Variants in ATP6V1B1 observed in about 807,000 individuals in gnomAD.
ATP6V1B1 encodes V-type proton ATPase subunit B, kidney isoform.
Under a neutral mutation model 62.1 loss-of-function variants are expected in ATP6V1B1, and 41 were observed. That is an observed-to-expected ratio of 0.66 (90% CI 0.51 to 0.86). The LOEUF (loss-of-function observed/expected upper bound fraction) is 0.86, where lower values mean the gene tolerates loss of function less well. ATP6V1B1 is among the 40% of genes least tolerant of loss of function. The pLI, the probability that ATP6V1B1 is intolerant of heterozygous loss-of-function variation, is 0.00. For missense variants in ATP6V1B1, 651 were observed against 697.5 expected (o/e 0.93, Z 0.75); for synonymous variants, 253 against 273.4 (o/e 0.93, Z 0.74).
chr2:70,944,255 G>A lies in ATP6V1B1; in HGVS notation c.174+542G>A, dbSNP rs1558670154. 2.3e-6 allele frequency: 3 copies of A among 1,283,074 alleles called. No individual in the cohort carries two copies. The Admixed American group carries it at 7.0e-5, about 30-fold the overall frequency. The allele number at this position is 1,283,074 out of a possible 1,614,324, so 79.5% of individuals were successfully genotyped here. ...GTAAGTGAAGTGGGCCCCACCAAAG[G>A]TAAGTGGGCTGTGGGCTATTTTGTA... On this transcript the variant is annotated intron_variant, in intron 2 of 13. Coordinates refer to ENST00000234396, the MANE Select transcript of ATP6V1B1 (RefSeq NM_001692.4).
In ATP6V1B1 at chr2:70,960,032, G is replaced by C. The variant is rs781988426; in HGVS notation, c.539G>C (p.Gly180Ala). 6.2e-7 allele frequency: 1 copy of C among 1,614,212 alleles called. No homozygotes were observed. The highest frequency in any genetic ancestry group is 8.5e-7 in the Non-Finnish European group (1 of 1,180,034). The change falls in exon 6 of 14, where the codon GGC (glycine) becomes GCC (alanine). Residue 180 changes from glycine (G) to alanine (A), a missense_variant. Gly to Ala is a moderately conservative substitution (Grantham distance 60, BLOSUM62 0). Coordinates refer to ENST00000234396, the MANE Select transcript of ATP6V1B1 (RefSeq NM_001692.4). ...GACGTCATGAACAGCATTGCCCGCG[G>C]CCAGAAGATCCCCATCTTCTCAGCA... is the stretch of plus-strand genomic sequence containing the variant. ...PIDVMNSIAR[G>A]QKIPIFSAAG...
intron 1 of ATP6V1B1, chr2:70,940,444 C>A (rs1679964251): frequency 1.0e-6 from 1 of 985,128 alleles, no homozygotes; most frequent in Non-Finnish European, 1.2e-6. Context: ...TGCCAGCTCT[C>A]CCGGGGGCTT....
In ATP6V1B1 at chr2:70,959,391, C is replaced by T. The variant is rs1553419636; in HGVS notation, c.445+296C>T. ...TGGGCTGCGGTGCTCTGCCGGCTCT[C>T]GTCCATTCAAGTGGGCACCTTCCCC... On this transcript the variant is annotated intron_variant, in intron 5 of 13. Transcript: ENST00000234396. This position sits in a 1 kb window ranked among gnomAD's most constrained non-coding sequence, Gnocchi z 4.2. 4.6e-5 allele frequency among the ~76,000 whole-genome samples: 7 copies of T among 152,262 alleles called. No homozygotes were observed. The highest frequency in any genetic ancestry group is 1.5e-5 in the Non-Finnish European group (1 of 68,046).
chr2:70,958,049 G>C lies in ATP6V1B1; in HGVS notation c.178G>C (p.Ala60Pro), dbSNP rs782635927. 1 of 1,613,852 alleles carries C rather than the reference G, an allele frequency of 6.2e-7. No homozygotes were observed. The highest frequency in any genetic ancestry group is 8.5e-7 in the Non-Finnish European group (1 of 1,179,930). Reference protein sequence around the residue: ...PLVVLDRVKFAQYAEIVHFTL... With the variant: ...PLVVLDRVKFPQYAEIVHFTL... The stretch of plus-strand genomic sequence containing the variant: ...GGCTGCTCTCCCCTCCTGCCAGTTT[G>C]CCCAGTATGCGGAGATCGTCCACTT... The change falls in exon 3 of 14, where the codon GCC becomes CCC. Residue 60 changes from alanine (A) to proline (P), a missense_variant. Coordinates refer to ENST00000234396, the MANE Select transcript of ATP6V1B1 (RefSeq NM_001692.4).
At chr2:70,960,530 C>T (rs1328655765) in intron 6 of ATP6V1B1, among the ~76,000 whole-genome samples, 1 of 152,162 alleles carries the variant, frequency 6.6e-6, no homozygotes, top group Non-Finnish European at 1.5e-5. Flanking sequence ...AGTGCCCCCA[C>T]CCTACTGTGA....
intron 2 of ATP6V1B1, among the ~76,000 whole-genome samples, chr2:70,954,711 A>G (rs1680395651): frequency 6.6e-6 from 1 of 151,972 alleles, no homozygotes; most frequent in African/African-American, 2.4e-5. Flanking sequence ...TCAACCTCCT[A>G]GGTTCAAGTG....
At chr2:70,958,734 A>G (rs1680507491) in intron 4 of ATP6V1B1, among the ~76,000 whole-genome samples, 1 of 152,186 alleles carries the variant, frequency 6.6e-6, no homozygotes, top group African/African-American at 2.4e-5. Flanking sequence ...TTCTCTCCCA[A>G]GACCTGGCCT....
chr2:70,957,015 G>A (rs897151173), intron 2 of ATP6V1B1, among the ~76,000 whole-genome samples: 2 of 150,734 alleles, frequency 1.3e-5, no homozygotes, highest in East Asian at 1.9e-4. Flanking sequence ...TTTGTATGTC[G>A]TCTTTGTAGA....
intron 2 of ATP6V1B1, 78 bp from the exon 3 acceptor site, chr2:70,957,968 G>T: frequency 2.3e-6 from 3 of 1,327,762 alleles, no homozygotes; most frequent in Non-Finnish European, 3.2e-6. Flanking sequence ...TTTGGGACTG[G>T]GTCAGGGAGG....
At chr2:70,961,850 G>T in intron 8 of ATP6V1B1, 157 bp downstream of exon 8, 1 of 759,436 alleles carries the variant, frequency 1.3e-6, no homozygotes, top group East Asian at 2.7e-5. Flanking sequence ...ACTGAGGCCT[G>T]GGAAGGGCTA....
At chr2:70,950,255 T>A (rs1271308806) in intron 2 of ATP6V1B1, among the ~76,000 whole-genome samples, 1 of 152,184 alleles carries the variant, frequency 6.6e-6, no homozygotes, top group Admixed American at 6.5e-5. Flanking sequence ...TTTTAATATC[T>A]GAAAAGGCAA....
chr2:70,953,203 C>T (rs1011836136), intron 2 of ATP6V1B1, among the ~76,000 whole-genome samples: 5 of 152,084 alleles, frequency 3.3e-5, no homozygotes, highest in African/African-American at 4.8e-5. Flanking sequence ...TGACCTCAAG[C>T]GATCTGCCCA....
rs1333825859 is a variant in ATP6V1B1, at chr2:70,935,912, A to T, written c.-43A>T. On this transcript the variant is annotated 5_prime_UTR_variant, in exon 1 of 14. Transcript: ENST00000234396. ...GACCTGAAGTCTCAGAGCTGCCACC[A>T]GCAGCAGGCTCAGACACTGGGCTCC... 2 of 1,548,322 alleles carry T rather than the reference A, an allele frequency of 1.3e-6. No individual in the cohort carries two copies. The highest frequency in any genetic ancestry group is 1.8e-6 in the Non-Finnish European group (2 of 1,127,058).
intron 2 of ATP6V1B1, among the ~76,000 whole-genome samples, chr2:70,950,794 A>G (rs1553418181): frequency 6.6e-6 from 1 of 152,084 alleles, no homozygotes; most frequent in Non-Finnish European, 1.5e-5. Flanking sequence ...TTTATTTTGA[A>G]ACAATTTCAA....
intron 2 of ATP6V1B1, chr2:70,947,503 TC>T (rs1680211212): frequency 6.6e-6 from 1 of 152,164 alleles, no homozygotes; most frequent in Non-Finnish European, 1.5e-5. Context: ...TTCAAATTGG[TC>T]CCTGTTTGAG....
At chr2:70,960,172 G>T (rs1388642668) in intron 6 of ATP6V1B1, 94 bp downstream of exon 6, 61 of 1,552,658 alleles carry the variant, frequency 3.9e-5, no homozygotes, top group Non-Finnish European at 5.2e-5. Context: ...GTGCCAAGCA[G>T]GCAGGGGCTG....
chr2:70,955,643 C>T (rs138615401), intron 2 of ATP6V1B1, among the ~76,000 whole-genome samples: 198 of 152,112 alleles, frequency 1.3e-3, no homozygotes, highest in African/African-American at 4.1e-3. Flanking sequence ...ATTCATGTTG[C>T]GGCATCTATC....
At position 70,965,122 on chromosome 2, in the gene ATP6V1B1, C is replaced by T; in HGVS notation, c.*1C>T. ...CCTCGCGCCTGACACTGCGCTCTAG[C>T]CCCGCGCGCCGTGGCACCCCAACAC... On this transcript the variant is annotated 3_prime_UTR_variant, in exon 14 of 14. Coordinates refer to ENST00000234396, the MANE Select transcript of ATP6V1B1 (RefSeq NM_001692.4). 1 of 1,608,834 alleles carries T rather than the reference C, an allele frequency of 6.2e-7. No homozygotes were observed. Among genetic ancestry groups the T allele is most frequent in the Non-Finnish European group, 8.5e-7 (1 of 1,179,900 alleles).
intron 1 of ATP6V1B1, chr2:70,942,538 G>A (rs1354507112): frequency 1.0e-5 from 4 of 396,060 alleles, no homozygotes; most frequent in Admixed American, 4.4e-5. Context: ...GGGGTGGCTC[G>A]GGGCCAGGCT....
Sources: allele counts gnomAD v4.1 joint callset (sites outside exome capture counted in the v4.1 genomes callset), GRCh38; gene constraint gnomAD v4.1.1; non-coding constraint Gnocchi (gnomAD v3.1); transcripts MANE v1.5; gene names NCBI Gene and HGNC (gene_info 2026-07-23, HGNC 2026-07-21).